The following GPC6 variants were observed in gnomAD, a reference collection of about 807,000 sequenced individuals.
GPC6 encodes glypican-6.
A neutral mutation model predicts 55.2 loss-of-function variants in GPC6; 14 were observed. That is an observed-to-expected ratio of 0.25 (90% CI 0.17 to 0.40). The LOEUF (loss-of-function observed/expected upper bound fraction) is 0.40, where lower values mean the gene tolerates loss of function less well. Among genes scored for constraint, GPC6 ranks in the 10% least tolerant of loss-of-function variants. The pLI is 1.00. For missense variants in GPC6, 641 were observed against 708.5 expected (o/e 0.90, Z 1.08); for synonymous variants, 278 against 259.6 (o/e 1.07, Z -0.68).
At chr13:93,685,306 C>T (rs74111528) in intron 2 of GPC6, among the ~76,000 whole-genome samples, 3,626 of 152,218 alleles carry the variant, frequency 0.024, 168 homozygotes, top group African/African-American at 0.082. Flanking sequence ...GAGCTGATGT[C>T]AAGTCTCACG....
At chr13:93,783,202 T>G (rs1346267050) in intron 2 of GPC6, among the ~76,000 whole-genome samples, 1 of 152,212 alleles carries the variant, frequency 6.6e-6, no homozygotes, top group Non-Finnish European at 1.5e-5. Context: ...CACATTTTTA[T>G]TTTTATCCAA....
In GPC6 at chr13:93,465,695, G is replaced by A. The variant is rs983448622; in HGVS notation, c.161-79568G>A. 2.0e-5 allele frequency among the ~76,000 whole-genome samples: 3 copies of A among 152,208 alleles called. No individual in the cohort carries two copies. The East Asian group carries it at 5.8e-4, about 29-fold the overall frequency. On this transcript the variant is annotated intron_variant, in intron 1 of 8. Coordinates refer to ENST00000377047, the MANE Select transcript of GPC6 (RefSeq NM_005708.5). ...AGGCTGTTTCAGTTTGTTATTATTC[G>A]TGTGTGCATTGGAGTAACACTTTTA...
intron 2 of GPC6, among the ~76,000 whole-genome samples, chr13:93,678,507 C>T (rs1486836211): frequency 6.6e-6 from 1 of 152,130 alleles, no homozygotes; most frequent in Non-Finnish European, 1.5e-5. Flanking sequence ...TAGCTGTCAA[C>T]TGAAGGGCTT....
chr13:93,286,216 G>A (rs911543427), intron 1 of GPC6, among the ~76,000 whole-genome samples: 18 of 152,136 alleles, frequency 1.2e-4, no homozygotes, highest in African/African-American at 4.3e-4. Flanking sequence ...GAAGAGGGAA[G>A]CCTCTTATAA....
At chr13:93,524,384 A>G (rs562824070) in intron 1 of GPC6, among the ~76,000 whole-genome samples, 2 of 152,166 alleles carry the variant, frequency 1.3e-5, no homozygotes, top group South Asian at 4.1e-4. Context: ...AGATGAATAA[A>G]TAGGTACAAT....
intron 2 of GPC6, among the ~76,000 whole-genome samples, chr13:93,719,096 G>T (rs2138819892): frequency 6.6e-6 from 1 of 152,104 alleles, no homozygotes; most frequent in African/African-American, 2.4e-5. Flanking sequence ...AAAATTTAAA[G>T]TAGCTTTTTT....
At chr13:94,392,088 G>C (rs1018191275) in intron 7 of GPC6, among the ~76,000 whole-genome samples, 2 of 152,052 alleles carry the variant, frequency 1.3e-5, no homozygotes, top group Admixed American at 6.6e-5. Flanking sequence ...ATGGTACTGT[G>C]AGCAGAGGTA....
chr13:93,769,036 AATTAAC>A (rs1397559051), intron 2 of GPC6, among the ~76,000 whole-genome samples: 1 of 150,992 alleles, frequency 6.6e-6, no homozygotes, highest in Non-Finnish European at 1.5e-5. Context: ...TTAAGTGATA[AATTAAC>A]ATTAGCAAAA....
chr13:94,093,962 A>T (rs988621698), intron 4 of GPC6, among the ~76,000 whole-genome samples: 5 of 152,168 alleles, frequency 3.3e-5, no homozygotes, highest in African/African-American at 7.2e-5. Flanking sequence ...AAATGTATTC[A>T]TTTGAAAATG....
chr13:93,620,941 G>C (rs999062899), intron 2 of GPC6, among the ~76,000 whole-genome samples: 7 of 152,010 alleles, frequency 4.6e-5, no homozygotes, highest in African/African-American at 7.2e-5. Flanking sequence ...ACTTTTTTGT[G>C]ATATCTTTTC....
At chr13:93,264,034 G>A (rs1050387137) in intron 1 of GPC6, among the ~76,000 whole-genome samples, 2 of 151,994 alleles carry the variant, frequency 1.3e-5, no homozygotes, top group African/African-American at 2.4e-5. Flanking sequence ...TGTAGCTCCT[G>A]GCCTATCCCT....
intron 2 of GPC6, among the ~76,000 whole-genome samples, chr13:93,742,475 A>C (rs1884241502): frequency 6.6e-6 from 1 of 152,222 alleles, no homozygotes; most frequent in Non-Finnish European, 1.5e-5. Flanking sequence ...TGTGATTAGA[A>C]TTTAGGAAAC....
intron 3 of GPC6, among the ~76,000 whole-genome samples, chr13:93,969,351 C>T (rs1410422583): frequency 6.6e-6 from 1 of 152,110 alleles, no homozygotes; most frequent in Non-Finnish European, 1.5e-5. Flanking sequence ...CCTCACTATC[C>T]CTGGAAGTAG....
intron 1 of GPC6, among the ~76,000 whole-genome samples, chr13:93,330,659 C>T (rs969707047): frequency 6.6e-6 from 1 of 152,184 alleles, no homozygotes; most frequent in Middle Eastern, 3.2e-3. Context: ...TTCTCACTTG[C>T]GTACCCCAGC....
chr13:93,783,054 T>C (rs1360930009), intron 2 of GPC6, among the ~76,000 whole-genome samples: 1 of 152,190 alleles, frequency 6.6e-6, no homozygotes, highest in Non-Finnish European at 1.5e-5. Flanking sequence ...CTCCCTCTTA[T>C]AAGTGAGAAC....
intron 4 of GPC6, among the ~76,000 whole-genome samples, chr13:94,256,623 A>G (rs745627018): frequency 1.9e-4 from 29 of 152,194 alleles, no homozygotes; most frequent in Non-Finnish European, 4.0e-4. Context: ...TCCTAGTGAC[A>G]TAAACTCATA....
intron 1 of GPC6, among the ~76,000 whole-genome samples, chr13:93,481,666 T>C (rs565707177): frequency 2.6e-5 from 4 of 152,118 alleles, no homozygotes; most frequent in African/African-American, 7.2e-5. Flanking sequence ...AGATACTCAG[T>C]TGTGGCAGAA....
chr13:94,208,819 T>C (rs895885622), intron 4 of GPC6, among the ~76,000 whole-genome samples: 8 of 146,030 alleles, frequency 5.5e-5, no homozygotes, highest in South Asian at 2.2e-4. Flanking sequence ...CTCGAGACGC[T>C]GAAGCGGGAG....
intron 4 of GPC6, among the ~76,000 whole-genome samples, chr13:94,050,292 T>A (rs56369156): frequency 0.028 from 4,242 of 152,276 alleles, 227 homozygotes; most frequent in African/African-American, 0.097. Flanking sequence ...TAACTTCTGC[T>A]TTCTTCTCTG....
Sources: gnomAD v4.1 joint callset for allele counts (sites outside exome capture counted in the v4.1 genomes callset) on GRCh38, gnomAD v4.1.1 for gene constraint, MANE v1.5 for transcripts, NCBI Gene and HGNC (gene_info 2026-07-23, HGNC 2026-07-21) for gene names.